TM9SF2: variants seen among roughly 807,000 people sequenced by gnomAD.
TM9SF2 encodes 76 kDa membrane protein.
A neutral mutation model predicts 84.9 loss-of-function variants in TM9SF2; 13 were observed. The ratio of observed to expected loss-of-function variants is 0.15; its 90% CI spans 0.10 to 0.24. TM9SF2 has a LOEUF of 0.24. TM9SF2 is among the 10% of genes least tolerant of loss of function. The pLI, the probability that TM9SF2 is intolerant of heterozygous loss-of-function variation, is 1.00. For missense variants in TM9SF2, 562 were observed against 818.5 expected, an observed-to-expected ratio of 0.69 and a Z score of 3.82; for synonymous variants, 273 against 285.8, an observed-to-expected ratio of 0.96 and a Z score of 0.45.
At chr13:99,557,773 G>A (rs970148357) in intron 15 of TM9SF2, among the ~76,000 whole-genome samples, 4 of 151,898 alleles carry the variant, frequency 2.6e-5, no homozygotes, top group Admixed American at 6.6e-5. Flanking sequence ...AAGCTGAGGT[G>A]GAAGGATCAC....
chr13:99,532,600 G>A (rs541191658), intron 4 of TM9SF2, among the ~76,000 whole-genome samples: 1 of 152,226 alleles, frequency 6.6e-6, no homozygotes, highest in East Asian at 2.0e-4. Flanking sequence ...TGAGGCAGGA[G>A]AATTGCTTGA....
chr13:99,541,358 TATG>T (rs2046258876), intron 8 of TM9SF2, among the ~76,000 whole-genome samples, 198 bp from the exon 9 acceptor site: 1 of 152,342 alleles, frequency 6.6e-6, no homozygotes, highest in Non-Finnish European at 1.5e-5. Flanking sequence ...GAAACTGTAT[TATG>T]ATAAGTATAT....
intron 15 of TM9SF2, among the ~76,000 whole-genome samples, chr13:99,556,430 C>T (rs916279389): frequency 7.2e-5 from 11 of 152,172 alleles, no homozygotes; most frequent in African/African-American, 1.7e-4. Flanking sequence ...TAGCAGCCAA[C>T]GGTCTGCTTT....
At chr13:99,524,339 T>C (rs1323441748) in intron 3 of TM9SF2, among the ~76,000 whole-genome samples, 1 of 152,018 alleles carries the variant, frequency 6.6e-6, no homozygotes, top group Admixed American at 6.6e-5. Context: ...TCTGGCTGTG[T>C]TTTGAAGGTG....
intron 9 of TM9SF2, among the ~76,000 whole-genome samples, chr13:99,543,312 A>C (rs557933918): frequency 6.6e-6 from 1 of 152,160 alleles, no homozygotes; most frequent in African/African-American, 2.4e-5. Flanking sequence ...TATTTTGTTT[A>C]TTGTCTGCCT....
chr13:99,524,009 C>A (rs1353718094), intron 3 of TM9SF2, among the ~76,000 whole-genome samples: 3 of 151,968 alleles, frequency 2.0e-5, no homozygotes, highest in Non-Finnish European at 4.4e-5. Context: ...AGAGAGGCCC[C>A]AAGGTGTGTA....
chr13:99,513,520 A>G (rs1425149236), intron 1 of TM9SF2, among the ~76,000 whole-genome samples: 1 of 152,248 alleles, frequency 6.6e-6, no homozygotes, highest in Non-Finnish European at 1.5e-5. Context: ...CCCTAAATTT[A>G]TATGCCCTGA....
intron 4 of TM9SF2, among the ~76,000 whole-genome samples, chr13:99,531,955 T>A (rs890335315): frequency 6.6e-6 from 1 of 152,188 alleles, no homozygotes; most frequent in African/African-American, 2.4e-5. Flanking sequence ...TCAGTTCTTA[T>A]CTTCTCATAT....
chr13:99,536,900 A>G (rs1261547104), intron 5 of TM9SF2, among the ~76,000 whole-genome samples, 163 bp downstream of exon 5: 1 of 152,216 alleles, frequency 6.6e-6, no homozygotes, highest in Non-Finnish European at 1.5e-5. Context: ...TTAATAATGT[A>G]TAAGTTGAGG....
intron 1 of TM9SF2, among the ~76,000 whole-genome samples, chr13:99,503,399 A>C (rs1253343976): frequency 1.3e-5 from 2 of 152,182 alleles, no homozygotes; most frequent in Non-Finnish European, 2.9e-5. Context: ...TAGAGTCTTT[A>C]GGGAAAGCTC....
rs1040059581 is a variant in TM9SF2, at chr13:99,501,520, C to T, written c.-87C>T. ...GGGGGCCGGCTTCCTTTATCTCTGG[C>T]GGCCTTGTAGTCGTCTCCGAGACTC... On this transcript the variant is annotated 5_prime_UTR_variant, in exon 1 of 17. Transcript: ENST00000376387. The T allele has an allele frequency of 7.4e-6, 11 of 1,488,768 alleles. No homozygotes were observed. The South Asian group carries it at 8.8e-5, about 12-fold the overall frequency. 92.2% of individuals were successfully genotyped at this position (1,488,768 alleles called of 1,614,324 possible).
intron 1 of TM9SF2, among the ~76,000 whole-genome samples, chr13:99,514,920 G>A (rs529923945): frequency 1.3e-5 from 2 of 152,320 alleles, no homozygotes; most frequent in Admixed American, 1.3e-4. Flanking sequence ...TTGAAGTAGG[G>A]ATTATTATCA....
intron 2 of TM9SF2, among the ~76,000 whole-genome samples, 160 bp downstream of exon 2, chr13:99,517,841 G>C (rs977536954): frequency 9.6e-6 from 1 of 103,836 alleles, no homozygotes; most frequent in African/African-American, 3.5e-5. Flanking sequence ...TTTTTTTAAT[G>C]TTTCTTTGTA....
intron 11 of TM9SF2, among the ~76,000 whole-genome samples, chr13:99,548,285 C>T (rs962441251): frequency 2.6e-5 from 4 of 152,128 alleles, no homozygotes; most frequent in Non-Finnish European, 5.9e-5. Context: ...TGAATTTTGA[C>T]TGAAATTATA....
rs185325458 is a variant in TM9SF2 at position 99,515,115 on chromosome 13, A to T, written c.172-2499A>T. ...TACGCTTAATTGTAGCAAGAGGGAC[A>T]TGGCTTATGTGTTGACAGTGCTGTA... On this transcript the variant is annotated intron_variant, in intron 1 of 16. Transcript: ENST00000376387. Among the ~76,000 whole-genome samples, 3 of 152,238 alleles carry T rather than the reference A, an allele frequency of 2.0e-5. No homozygotes were observed. In the South Asian group the frequency reaches 6.2e-4, roughly 31 times the overall value.
At chr13:99,552,418 A>T (rs894621283) in intron 13 of TM9SF2, 92 bp downstream of exon 13, 10 of 1,265,566 alleles carry the variant, frequency 7.9e-6, no homozygotes, top group South Asian at 7.7e-5. Flanking sequence ...GTGTGTAAAG[A>T]TGTAAACTTG....
rs1396285877 is a variant in TM9SF2 at position 99,563,908 on chromosome 13, C to CT, written c.*1152dup. The CT allele has an allele frequency of 7.9e-5, 12 of 152,092 alleles. No individual in the cohort carries two copies. Among genetic ancestry groups the CT allele is most frequent in the Non-Finnish European group, 1.8e-4 (12 of 68,032 alleles). The allele number at this position is 152,092 out of a possible 1,614,324, so 9.4% of individuals were successfully genotyped here. On this transcript the variant is annotated 3_prime_UTR_variant, in exon 17 of 17. Coordinates refer to ENST00000376387, the MANE Select transcript of TM9SF2 (RefSeq NM_004800.3). ...GGGGTGATTCTGAAGTATCGGTCTG[C>CT]TTGTATCTGTGAGCATATTCATTTG...
At chr13:99,510,488 A>C (rs1271507434) in intron 1 of TM9SF2, among the ~76,000 whole-genome samples, 1 of 152,220 alleles carries the variant, frequency 6.6e-6, no homozygotes, top group Non-Finnish European at 1.5e-5. Context: ...ACAAGCATGC[A>C]CCGACATCAC....
In TM9SF2 at chr13:99,530,637, T is replaced by A. The variant is rs955686610; in HGVS notation, c.461+1043T>A. Among the ~76,000 whole-genome samples the A allele has an allele frequency of 3.3e-5, 5 of 152,326 alleles. No homozygotes were observed. In the East Asian group the frequency reaches 9.6e-4, roughly 29 times the overall value. On this transcript the variant is annotated intron_variant, in intron 4 of 16. Coordinates refer to ENST00000376387, the MANE Select transcript of TM9SF2 (RefSeq NM_004800.3). ...TAGTGAAAACATTGTTTTATACTTG[T>A]GGGCTATGAAAAAAATCACAGGAAA...
Sources: allele counts gnomAD v4.1 joint callset (sites outside exome capture counted in the v4.1 genomes callset), GRCh38; gene constraint gnomAD v4.1.1; transcripts MANE v1.5; gene names NCBI Gene and HGNC (gene_info 2026-07-23, HGNC 2026-07-21).